The following HEATR9 variants were observed in gnomAD, a reference collection of about 807,000 sequenced individuals.
HEATR9 encodes the protein protein HEATR9.
A neutral mutation model predicts 68.2 loss-of-function variants in HEATR9; 54 were observed. The observed-to-expected ratio is 0.79, with a 90% CI of 0.64 to 0.99. HEATR9 has a LOEUF of 0.99. HEATR9 is among the 50% of genes least tolerant of loss of function. The probability of loss-of-function intolerance (pLI) is 0.00; values close to 1 mark genes in which losing one functional copy is unlikely to be tolerated. For synonymous variants in HEATR9, 241 were observed against 253.5 expected, an observed-to-expected ratio of 0.95 and a Z score of 0.47; for missense variants, 662 against 679.7, an observed-to-expected ratio of 0.97 and a Z score of 0.29.
Position 35,859,021 on chromosome 17 carries a change from A to G in HEATR9, c.806T>C (p.Leu269Pro). Residue 269 changes from leucine to proline, a missense_variant, in exon 9 of 15, where the codon CTG (leucine) becomes CCG (proline). Physicochemically the swap from Leu to Pro is moderately conservative, Grantham distance 98. Transcript: ENST00000604834. ...EGKLVPVLQT[L>P]IKKSSSEASL... ...TGCTTCACTGGACGACTTCTTGATC[A>G]GTGTCTGTAGTACAGGCACCAGCTT... 1 of 1,614,218 alleles carries G rather than the reference A, an allele frequency of 6.2e-7. No individual in the cohort carries two copies. Among genetic ancestry groups the G allele is most frequent in the Non-Finnish European group, 8.5e-7 (1 of 1,180,040 alleles).
chr17:35,855,162 C>T lies in HEATR9; in HGVS notation c.1614G>A (p.Pro538=), dbSNP rs781351476. 15 of 1,613,964 alleles carry T rather than the reference C, an allele frequency of 9.3e-6. No homozygotes were observed. The highest frequency in any genetic ancestry group is 6.7e-5 in the East Asian group (3 of 44,892). ...VGQKKTPAFP[P]CCSKPRKHRP... The stretch of plus-strand genomic sequence containing the variant: ...TATGTTTTCGTGGTTTCGAGCAGCA[C>T]GGTGGGAAAGCAGGCGTTTTCTTTT... Residue 538 remains proline, a synonymous_variant, in exon 15 of 15, where the codon CCG becomes CCA. Transcript: ENST00000604834.
intron 9 of HEATR9, among the ~76,000 whole-genome samples, 165 bp downstream of exon 9, chr17:35,858,723 T>C (rs906016996): frequency 1.3e-5 from 2 of 152,132 alleles, no homozygotes; most frequent in African/African-American, 4.8e-5. Flanking sequence ...CACAGACACA[T>C]GGACGCTTAT....
rs1346105308 is a variant in HEATR9, at chr17:35,858,879, C to G, written c.939+9G>C. The stretch of plus-strand genomic sequence containing the variant: ...TTCCCCAGGGATCCCAGCCTCCTGC[C>G]CCTCACACCTTCATCCGCTGGGTCT... On this transcript the variant is annotated intron_variant, in intron 9 of 14. Coordinates refer to ENST00000604834, the MANE Select transcript of HEATR9 (RefSeq NM_152781.4). The G allele has an allele frequency of 1.2e-6, 2 of 1,611,826 alleles. No homozygotes were observed. Among genetic ancestry groups the G allele is most frequent in the South Asian group, 2.2e-5 (2 of 90,968 alleles).
At position 35,858,285 on chromosome 17, in the gene HEATR9, A is replaced by T. The variant is rs1159311456; in HGVS notation, c.1067T>A (p.Ile356Asn). 3 of 1,614,010 alleles carry T rather than the reference A, an allele frequency of 1.9e-6. No individual in the cohort carries two copies. Among genetic ancestry groups the T allele is most frequent in the Non-Finnish European group, 1.7e-6 (2 of 1,180,018 alleles). Residue 356 changes from isoleucine to asparagine, a missense_variant, in exon 11 of 15, where the codon ATT becomes AAT. By Grantham distance (149) the Ile-to-Asn change is moderately radical (BLOSUM62 -3). Coordinates refer to ENST00000604834, the MANE Select transcript of HEATR9 (RefSeq NM_152781.4). ...CTGTGCCTGGATCTGTTCCAGCCCA[A>T]TGGTCTTGAGCATTTGGGTGGCTTC... ...RFEATQMLKT[I>N]GLEQIQAQGL...
At chr17:35,864,220 T>C in intron 6 of HEATR9, 26 bp downstream of exon 6, 8 of 1,592,328 alleles carry the variant, frequency 5.0e-6, no homozygotes, top group Non-Finnish European at 6.9e-6. Context: ...CCTTCTTTCC[T>C]GAACTCCAGC....
chr17:35,862,535 C>T (rs1414939978), intron 8 of HEATR9, among the ~76,000 whole-genome samples: 1 of 152,186 alleles, frequency 6.6e-6, no homozygotes, highest in Non-Finnish European at 1.5e-5. Context: ...AGGCATTGTA[C>T]TAGGTGTTTT....
At chr17:35,866,531 G>A (rs975296570) in intron 2 of HEATR9, among the ~76,000 whole-genome samples, 193 bp downstream of exon 2, 12 of 152,178 alleles carry the variant, frequency 7.9e-5, no homozygotes, top group African/African-American at 2.9e-4. Flanking sequence ...AAGGGAGGTG[G>A]ACAGGGGTTA....
intron 12 of HEATR9, 162 bp from the exon 13 acceptor site, chr17:35,856,386 A>G (rs764694706): frequency 5.6e-5 from 86 of 1,549,146 alleles, no homozygotes; most frequent in Non-Finnish European, 6.8e-5. Flanking sequence ...CAGGGAGAGG[A>G]AAAAGAGGCA....
intron 11 of HEATR9, 86 bp from the exon 12 acceptor site, chr17:35,856,891 C>T (rs760363782): frequency 3.2e-6 from 4 of 1,254,744 alleles, no homozygotes; most frequent in Non-Finnish European, 4.5e-6. Context: ...CTGAACATTT[C>T]CTTTGTGCTA....
chr17:35,864,066 C>G (rs1317089660), intron 6 of HEATR9, 180 bp downstream of exon 6: 1 of 592,892 alleles, frequency 1.7e-6, no homozygotes, highest in Non-Finnish European at 3.0e-6. Flanking sequence ...TCTTTTAGAT[C>G]CAGCTGCTCT....
rs776119765 is a variant in HEATR9 at position 35,863,100 on chromosome 17, C to T, written c.651G>A (p.Arg217=). The change falls in exon 8 of 15, where the codon CGG becomes CGA. Residue 217 remains arginine (R), a synonymous_variant. Transcript: ENST00000604834. ...TCTCCTTCAGCTGTTTGATGAGAGC[C>T]CGGATCACATGCTTATTCAGGCAAC... The part of the protein sequence containing the change: ...ILGCLNKHVI[R]ALIKQLKEKN... The T allele has an allele frequency of 3.1e-6, 5 of 1,614,146 alleles. No individual in the cohort carries two copies. Among genetic ancestry groups the T allele is most frequent in the Admixed American group, 1.7e-5 (1 of 60,014 alleles).
intron 1 of HEATR9, among the ~76,000 whole-genome samples, chr17:35,868,361 C>G (rs2088283222): frequency 6.6e-6 from 1 of 152,154 alleles, no homozygotes; most frequent in Admixed American, 6.5e-5. Flanking sequence ...ACAGGGAACA[C>G]CCTATGCAAA....
Position 35,855,151 on chromosome 17 carries a change from T to C in HEATR9, c.1625A>G (p.Lys542Arg), listed in dbSNP as rs2087725768. 1 of 1,614,068 alleles carries C rather than the reference T, an allele frequency of 6.2e-7. No individual in the cohort carries two copies. Among genetic ancestry groups the C allele is most frequent in the Non-Finnish European group, 8.5e-7 (1 of 1,180,036 alleles). The change falls in exon 15 of 15, where the codon AAA (lysine) becomes AGA (arginine). Residue 542 changes from lysine to arginine, a missense_variant. Physicochemically the swap from Lys to Arg is conservative, Grantham distance 26. Transcript: ENST00000604834. The stretch of plus-strand genomic sequence containing the variant: ...GACCTGTGGCCTATGTTTTCGTGGT[T>C]TCGAGCAGCACGGTGGGAAAGCAGG... ...KTPAFPPCCS[K>R]PRKHRPQVIG...
At chr17:35,863,732 A>G in intron 6 of HEATR9, 173 bp from the exon 7 acceptor site, 1 of 678,550 alleles carries the variant, frequency 1.5e-6, no homozygotes, top group South Asian at 1.8e-5. Flanking sequence ...GGAAGGAACA[A>G]TACAGTTGGG....
Position 35,855,278 on chromosome 17 carries a change from G to C in HEATR9, c.1498C>G (p.Pro500Ala), listed in dbSNP as rs1466974075. The change falls in exon 15 of 15, where the codon CCT becomes GCT. Residue 500 changes from proline (P) to alanine (A), a missense_variant. Physicochemically the swap from Pro to Ala is conservative, Grantham distance 27. Transcript: ENST00000604834. Reference sequence around the variant, plus strand: ...ATAGTTAACTCTTCTGGGTTCTCAGGCTCTTTCTGGAACCTTGTGGGCTCT... The same window carrying C: ...ATAGTTAACTCTTCTGGGTTCTCAGCCTCTTTCTGGAACCTTGTGGGCTCT... ...KAEPTRFQKE[P>A]ENPEELTIQD... The C allele has an allele frequency of 1.2e-6, 2 of 1,614,184 alleles. No homozygotes were observed. Among genetic ancestry groups the C allele is most frequent in the Non-Finnish European group, 1.7e-6 (2 of 1,180,022 alleles).
In HEATR9 at chr17:35,858,877, G is replaced by GC; in HGVS notation, c.939+10dup. 6.2e-7 allele frequency: 1 copy of GC among 1,611,610 alleles called. No individual in the cohort carries two copies. Among genetic ancestry groups the GC allele is most frequent in the Non-Finnish European group, 8.5e-7 (1 of 1,178,880 alleles). On this transcript the variant is annotated intron_variant, in intron 9 of 14. Transcript: ENST00000604834. ...GTTTCCCCAGGGATCCCAGCCTCCT[G>GC]CCCCTCACACCTTCATCCGCTGGGT...
rs2088060071 is a variant in HEATR9, at chr17:35,863,182, A to G, written c.626-57T>C. 2.5e-6 allele frequency: 4 copies of G among 1,607,210 alleles called. No homozygotes were observed. In the South Asian group the frequency reaches 4.4e-5, roughly 18 times the overall value. On this transcript the variant is annotated intron_variant, in intron 7 of 14. Coordinates refer to ENST00000604834, the MANE Select transcript of HEATR9 (RefSeq NM_152781.4). ...AGCCTCTGGTACTGCCCCTCTCTGCAAGGACCCATTGAACTCCACTGTGCC... is the reference window on the plus strand; with the variant it reads ...AGCCTCTGGTACTGCCCCTCTCTGCGAGGACCCATTGAACTCCACTGTGCC...
chr17:35,864,402 TC>T (rs2088118368), intron 5 of HEATR9, 94 bp downstream of exon 5: 1 of 1,527,996 alleles, frequency 6.5e-7, no homozygotes, highest in Non-Finnish European at 9.1e-7. Context: ...TGGAATACCA[TC>T]CCCACAACCA....
chr17:35,856,502 A>G (rs2087775833), intron 12 of HEATR9: 1 of 845,674 alleles, frequency 1.2e-6, no homozygotes, highest in South Asian at 1.5e-5. Context: ...ATAGCAACCT[A>G]TACCTAACCT....
Sources: gnomAD v4.1 joint callset for allele counts (sites outside exome capture counted in the v4.1 genomes callset) on GRCh38, gnomAD v4.1.1 for gene constraint, MANE v1.5 for transcripts, NCBI Gene and HGNC (gene_info 2026-07-23, HGNC 2026-07-21) for gene names.